The following PARD3B variants were observed in gnomAD, a reference collection of about 807,000 sequenced individuals.
PARD3B encodes partitioning defective 3 homolog B.
In PARD3B, 103 loss-of-function variants were observed where a neutral mutation model predicts 130.2. The ratio of observed to expected loss-of-function variants is 0.79; its 90% CI spans 0.67 to 0.93. The LOEUF (loss-of-function observed/expected upper bound fraction) is 0.93, where lower values mean the gene tolerates loss of function less well. Among genes scored for constraint, PARD3B ranks in the 40% least tolerant of loss-of-function variants. PARD3B has a pLI of 0.00. For missense variants in PARD3B, 1,609 were observed against 1,499.2 expected, an observed-to-expected ratio of 1.07 and a Z score of -1.21; for synonymous variants, 583 against 553.2, an observed-to-expected ratio of 1.05 and a Z score of -0.76.
At chr2:205,370,306 A>G (rs546527553) in intron 18 of PARD3B, among the ~76,000 whole-genome samples, 1 of 152,364 alleles carries the variant, frequency 6.6e-6, no homozygotes, top group East Asian at 1.9e-4. Context: ...CTCATCTACT[A>G]GAACCATTGT....
At chr2:204,894,097 G>C (rs916952359) in intron 2 of PARD3B, among the ~76,000 whole-genome samples, 2 of 151,486 alleles carry the variant, frequency 1.3e-5, no homozygotes, top group African/African-American at 4.8e-5. Flanking sequence ...TGTGTGGTTT[G>C]TAGTAAAATT....
At chr2:205,588,626 G>A (rs561598235) in intron 22 of PARD3B, among the ~76,000 whole-genome samples, 7 of 152,198 alleles carry the variant, frequency 4.6e-5, no homozygotes, top group South Asian at 2.1e-4. Context: ...AGAGTCACCC[G>A]TAACCTTGAT....
At chr2:204,885,423 TTGTC>T (rs1281160812) in intron 2 of PARD3B, among the ~76,000 whole-genome samples, 15 of 152,338 alleles carry the variant, frequency 9.8e-5, no homozygotes, top group Admixed American at 9.1e-4. Flanking sequence ...ATTCTGTAGG[TTGTC>T]TGTTCATTAG....
chr2:204,634,764 A>G (rs1427189722), intron 1 of PARD3B, among the ~76,000 whole-genome samples: 1 of 152,162 alleles, frequency 6.6e-6, no homozygotes, highest in Non-Finnish European at 1.5e-5. Flanking sequence ...GAATTGCATA[A>G]TATAGTTTTT....
At chr2:204,941,034 G>T (rs748469390) in intron 2 of PARD3B, among the ~76,000 whole-genome samples, 47 of 152,140 alleles carry the variant, frequency 3.1e-4, no homozygotes, top group Non-Finnish European at 1.3e-4. Flanking sequence ...TTCAATTAAC[G>T]TGGGAGAGTT....
intron 21 of PARD3B, among the ~76,000 whole-genome samples, chr2:205,548,015 A>C (rs1213212721): frequency 1.3e-5 from 2 of 152,028 alleles, no homozygotes; most frequent in African/African-American, 4.8e-5. Flanking sequence ...ACTGTGGAAC[A>C]CTCCCTTCAT....
At chr2:205,577,747 TGTCTCCAAGAGTGTTCAA>T (rs2053813856) in intron 22 of PARD3B, among the ~76,000 whole-genome samples, 1 of 152,166 alleles carries the variant, frequency 6.6e-6, no homozygotes, top group African/African-American at 2.4e-5. Flanking sequence ...AGGTTAACAG[TGTCTCCAAGAGTGTTCAA>T]GTCTCCCTGC....
chr2:204,784,471 T>G (rs2041941165), intron 2 of PARD3B, among the ~76,000 whole-genome samples: 1 of 152,228 alleles, frequency 6.6e-6, no homozygotes, highest in African/African-American at 2.4e-5. Context: ...GGTATACAAA[T>G]AGTATACAGA....
chr2:205,537,436 A>C (rs937905894), intron 21 of PARD3B, among the ~76,000 whole-genome samples: 23 of 152,084 alleles, frequency 1.5e-4, no homozygotes, highest in African/African-American at 5.3e-4. Context: ...CCCTTGCTAC[A>C]TGATGCTTCC....
chr2:205,195,902 A>G (rs1242669126), intron 15 of PARD3B, among the ~76,000 whole-genome samples: 1 of 151,828 alleles, frequency 6.6e-6, no homozygotes, highest in Non-Finnish European at 1.5e-5. Context: ...AGTCTGTAGG[A>G]ATCTTCAAAG....
At chr2:205,442,362 G>A (rs1174196323) in intron 20 of PARD3B, among the ~76,000 whole-genome samples, 1 of 135,982 alleles carries the variant, frequency 7.4e-6, no homozygotes, top group South Asian at 2.3e-4. Context: ...GCAGTGGTAC[G>A]ATCGCGGCTA....
chr2:204,979,265 C>G (rs1396917480), intron 3 of PARD3B, among the ~76,000 whole-genome samples: 2 of 151,846 alleles, frequency 1.3e-5, no homozygotes, highest in African/African-American at 2.4e-5. Context: ...AAAATCAGAT[C>G]AACAGATGAT....
rs1296713613 is a variant in PARD3B, at chr2:204,969,857, CTT to C, written c.394+4537_394+4538del. On this transcript the variant is annotated intron_variant, in intron 3 of 22. Transcript: ENST00000406610. Reference sequence around the variant, plus strand: ...CAGGAAATGGAGGTGGAGAAAATGTCTTTTAAATCCTATACATTTCAGAAATG... The same window carrying C: ...CAGGAAATGGAGGTGGAGAAAATGTCTTAAATCCTATACATTTCAGAAATG... 2.6e-5 allele frequency among the ~76,000 whole-genome samples: 4 copies of C among 152,056 alleles called. No homozygotes were observed. The East Asian group carries it at 7.7e-4, about 29-fold the overall frequency.
At position 205,253,293 on chromosome 2, in the gene PARD3B, C is replaced by T. The variant is rs919755632; in HGVS notation, c.2185+7471C>T. The T allele has an allele frequency of 4.5e-5, 22 of 492,272 alleles. No homozygotes were observed. The highest frequency in any genetic ancestry group is 9.1e-5 in the Non-Finnish European group (22 of 243,068). 30.5% of individuals were successfully genotyped at this position (492,272 alleles called of 1,614,324 possible). A position where few individuals can be genotyped will look rare whatever the true frequency, so the allele number is the denominator to read the frequency against. ...GACACTTAAGAGTAAAATGTATTAA[C>T]ACAAAGGCTCTGGCCGCCCCCCTAC... On this transcript the variant is annotated intron_variant, in intron 16 of 22. Coordinates refer to ENST00000406610, the MANE Select transcript of PARD3B (RefSeq NM_001302769.2). The surrounding 1 kb of genome is among the most constrained non-coding windows in gnomAD (Gnocchi z 4.4).
intron 21 of PARD3B, among the ~76,000 whole-genome samples, chr2:205,515,771 C>CT (rs541341714): frequency 1.2e-3 from 189 of 152,182 alleles, no homozygotes; most frequent in African/African-American, 4.5e-3. Flanking sequence ...TTGATAGCTT[C>CT]TTTTGCTGTG....
chr2:204,814,674 G>T (rs531426465), intron 2 of PARD3B, among the ~76,000 whole-genome samples: 2 of 151,784 alleles, frequency 1.3e-5, no homozygotes, highest in South Asian at 4.2e-4. Flanking sequence ...ATATTTCACC[G>T]TTGAGTAAAA....
At chr2:204,704,311 G>A (rs2038034209) in intron 2 of PARD3B, among the ~76,000 whole-genome samples, 3 of 152,180 alleles carry the variant, frequency 2.0e-5, no homozygotes, top group Admixed American at 2.0e-4. Flanking sequence ...ATCAGTATAT[G>A]TAAAGATGAA....
chr2:204,782,000 G>A (rs747012365), intron 2 of PARD3B, among the ~76,000 whole-genome samples: 2 of 151,916 alleles, frequency 1.3e-5, no homozygotes, highest in Non-Finnish European at 2.9e-5. Flanking sequence ...AAGTTTTCAA[G>A]CTAATAATGA....
In PARD3B at chr2:205,015,408, A is replaced by G. The variant is rs1446485029; in HGVS notation, c.395-32173A>G. ...GTATAAGTGAACCTGCGCAGCTCGAACCTGTGTTGTTCAAGGGTCAACCAT... is the reference window on the plus strand; with the variant it reads ...GTATAAGTGAACCTGCGCAGCTCGAGCCTGTGTTGTTCAAGGGTCAACCAT... On this transcript the variant is annotated intron_variant, in intron 3 of 22. Coordinates refer to ENST00000406610, the MANE Select transcript of PARD3B (RefSeq NM_001302769.2). This position sits in a 1 kb window ranked among gnomAD's most constrained non-coding sequence, Gnocchi z 4.5. 2.0e-5 allele frequency among the ~76,000 whole-genome samples: 3 copies of G among 152,216 alleles called. No homozygotes were observed. The East Asian group carries it at 5.8e-4, about 29-fold the overall frequency.
Sources: allele counts gnomAD v4.1 joint callset (sites outside exome capture counted in the v4.1 genomes callset), GRCh38; gene constraint gnomAD v4.1.1; non-coding constraint Gnocchi (gnomAD v3.1); transcripts MANE v1.5; gene names NCBI Gene and HGNC (gene_info 2026-07-23, HGNC 2026-07-21).